The following LPP variants were observed in gnomAD, a reference collection of about 807,000 sequenced individuals.
LPP encodes lipoma-preferred partner.
A neutral mutation model predicts 60.4 loss-of-function variants in LPP; 38 were observed. That is an observed-to-expected ratio of 0.63 (90% CI 0.49 to 0.83). The LOEUF (loss-of-function observed/expected upper bound fraction) is 0.83. LPP is among the 40% of genes least tolerant of loss of function. The probability of loss-of-function intolerance (pLI) is 0.00; values close to 1 mark genes in which losing one functional copy is unlikely to be tolerated. For missense variants in LPP, 902 were observed against 783.6 expected, an observed-to-expected ratio of 1.15 and a Z score of -1.80; for synonymous variants, 328 against 290.8, an observed-to-expected ratio of 1.13 and a Z score of -1.30.
Position 188,888,064 on chromosome 3 carries a change from C to T in LPP, c.*13585C>T. Reference sequence around the variant, plus strand: ...AATGTGCCTTAAGTGAAAATTTAAACTTAGACCTGAAACCTTTACAGTTGG... The same window carrying T: ...AATGTGCCTTAAGTGAAAATTTAAATTTAGACCTGAAACCTTTACAGTTGG... On this transcript the variant is annotated 3_prime_UTR_variant, in exon 12 of 12. Transcript: ENST00000617246. 1 of 218,098 alleles carries T rather than the reference C, an allele frequency of 4.6e-6. No individual in the cohort carries two copies. The highest frequency in any genetic ancestry group is 9.2e-6 in the Non-Finnish European group (1 of 108,508). The allele number at this position is 218,098 out of a possible 1,614,324, so 13.5% of individuals were successfully genotyped here.
At chr3:188,516,808 C>G (rs1198341832) in intron 5 of LPP, among the ~76,000 whole-genome samples, 3 of 151,880 alleles carry the variant, frequency 2.0e-5, no homozygotes, top group African/African-American at 4.8e-5. Flanking sequence ...AGATAAGAAA[C>G]TGTGGCAGGT....
intron 5 of LPP, among the ~76,000 whole-genome samples, chr3:188,507,528 T>C (rs1057159242): frequency 6.6e-5 from 10 of 152,252 alleles, no homozygotes; most frequent in African/African-American, 2.2e-4. Flanking sequence ...GTTTCCCGTT[T>C]TTCTCTTGAT....
At chr3:188,213,211 G>C (rs1188160482) in intron 1 of LPP, among the ~76,000 whole-genome samples, 1 of 152,108 alleles carries the variant, frequency 6.6e-6, no homozygotes, top group African/African-American at 2.4e-5. Flanking sequence ...AGTTATGGTG[G>C]GATTTAAGAG....
At chr3:188,252,629 GA>G (rs1458189116) in intron 2 of LPP, among the ~76,000 whole-genome samples, 1 of 152,148 alleles carries the variant, frequency 6.6e-6, no homozygotes, top group Non-Finnish European at 1.5e-5. Context: ...TGATGGATGA[GA>G]AGTGGTATCT....
intron 2 of LPP, among the ~76,000 whole-genome samples, chr3:188,258,769 T>G (rs1480986497): frequency 6.6e-6 from 1 of 152,226 alleles, no homozygotes; most frequent in Non-Finnish European, 1.5e-5. Flanking sequence ...CACTTTTCAT[T>G]ATTTTGTTGG....
chr3:188,534,350 G>A (rs537635234), intron 6 of LPP, among the ~76,000 whole-genome samples: 29 of 152,300 alleles, frequency 1.9e-4, no homozygotes, highest in African/African-American at 6.5e-4. Context: ...GAAAAGAAAC[G>A]AACAAAGCTG....
At chr3:188,736,326 TAAC>T (rs1722497419) in intron 8 of LPP, among the ~76,000 whole-genome samples, 2 of 152,232 alleles carry the variant, frequency 1.3e-5, no homozygotes, top group South Asian at 4.2e-4. Flanking sequence ...AGCAAAGGGT[TAAC>T]AACTGTATGA....
chr3:188,173,985 A>G (rs1722351451), intron 1 of LPP, among the ~76,000 whole-genome samples: 2 of 152,150 alleles, frequency 1.3e-5, no homozygotes, highest in South Asian at 4.1e-4. Context: ...GTCTCATAGG[A>G]CTTAACCCTC....
intron 2 of LPP, among the ~76,000 whole-genome samples, chr3:188,260,770 C>T (rs1733323163): frequency 1.3e-5 from 2 of 152,068 alleles, no homozygotes; most frequent in South Asian, 4.1e-4. Context: ...CGGTGGTTCA[C>T]GCCTGTAATC....
intron 3 of LPP, among the ~76,000 whole-genome samples, chr3:188,359,064 T>A (rs534414306): frequency 5.3e-4 from 80 of 152,278 alleles, no homozygotes; most frequent in African/African-American, 1.9e-3. Flanking sequence ...CCTGTTAACA[T>A]CCCTCAGAAG....
chr3:188,268,823 A>G lies in LPP; in HGVS notation c.-67+43296A>G, dbSNP rs1043890869. Among the ~76,000 whole-genome samples, 4 of 152,336 alleles carry G rather than the reference A, an allele frequency of 2.6e-5. No homozygotes were observed. The East Asian group carries it at 7.7e-4, about 29-fold the overall frequency. ...AATATTCTATTAACAGGTACTACCTATTAACCGCTTACATATATTTCAAAT... is the reference window on the plus strand; with the variant it reads ...AATATTCTATTAACAGGTACTACCTGTTAACCGCTTACATATATTTCAAAT... On this transcript the variant is annotated intron_variant, in intron 2 of 11. Transcript: ENST00000617246.
chr3:188,428,215 T>A (rs1260514336), intron 4 of LPP, among the ~76,000 whole-genome samples: 7 of 152,154 alleles, frequency 4.6e-5, no homozygotes, highest in Admixed American at 3.9e-4. Flanking sequence ...TGCTCCACCC[T>A]GCTTAGACTC....
chr3:188,354,187 C>G (rs1766819963), intron 3 of LPP, among the ~76,000 whole-genome samples: 1 of 151,950 alleles, frequency 6.6e-6, no homozygotes, highest in Non-Finnish European at 1.5e-5. Flanking sequence ...AAATGTCGAG[C>G]AGTCTTCTTT....
rs1578416940 is a variant in LPP, at chr3:188,373,647, TTCTGTAGG to T, written c.-10+31930_-10+31937del. Among the ~76,000 whole-genome samples, 9 of 152,130 alleles carry T rather than the reference TTCTGTAGG, an allele frequency of 5.9e-5. No individual in the cohort carries two copies. In the East Asian group the frequency reaches 1.2e-3, roughly 20 times the overall value. ...AGTAGGTTGCAAAAATTTTCTCCCA[TTCTGTAGG>T]TTGCCTGTTCACTCTGATGGTAGTT... On this transcript the variant is annotated intron_variant, in intron 3 of 11. Transcript: ENST00000617246.
intron 9 of LPP, among the ~76,000 whole-genome samples, chr3:188,847,885 G>T (rs1272284787): frequency 6.6e-6 from 1 of 152,142 alleles, no homozygotes; most frequent in African/African-American, 2.4e-5. Flanking sequence ...GGAGAATTTT[G>T]TTAGGAAAAA....
At chr3:188,697,817 C>A (rs188174861) in intron 7 of LPP, among the ~76,000 whole-genome samples, 1 of 151,818 alleles carries the variant, frequency 6.6e-6, no homozygotes, top group East Asian at 1.9e-4. Context: ...CTAACATATA[C>A]TGGCCCTTTT....
intron 2 of LPP, among the ~76,000 whole-genome samples, chr3:188,285,382 T>C (rs1743588193): frequency 6.6e-6 from 1 of 152,098 alleles, no homozygotes; most frequent in South Asian, 2.1e-4. Context: ...GTGGGGTGTC[T>C]TGGATAGTAT....
intron 2 of LPP, among the ~76,000 whole-genome samples, chr3:188,314,237 C>G (rs772534177): frequency 6.6e-6 from 1 of 151,910 alleles, no homozygotes; most frequent in Non-Finnish European, 1.5e-5. Flanking sequence ...CATTGGCTTT[C>G]GATTTGAGAA....
intron 1 of LPP, among the ~76,000 whole-genome samples, chr3:188,163,757 C>A (rs1719058249): frequency 7.2e-6 from 1 of 139,560 alleles, no homozygotes; most frequent in Admixed American, 7.6e-5. Context: ...GCCTGGTCAA[C>A]ATGATTTAAC....
Sources: allele counts gnomAD v4.1 joint callset (sites outside exome capture counted in the v4.1 genomes callset), GRCh38; gene constraint gnomAD v4.1.1; transcripts MANE v1.5; gene names NCBI Gene and HGNC (gene_info 2026-07-23, HGNC 2026-07-21).